The following GALNT7 variants were observed in gnomAD, a reference collection of about 807,000 sequenced individuals.
GALNT7 encodes the protein N-acetylgalactosaminyltransferase 7.
Under a neutral mutation model 82.1 loss-of-function variants are expected in GALNT7, and 60 were observed. The ratio of observed to expected loss-of-function variants is 0.73; its 90% CI spans 0.59 to 0.91. GALNT7 has a LOEUF of 0.91. GALNT7 is among the 40% of genes least tolerant of loss of function. The probability of loss-of-function intolerance (pLI) is 0.00; values close to 1 mark genes in which losing one functional copy is unlikely to be tolerated. For synonymous variants in GALNT7, 243 were observed against 275.1 expected, an observed-to-expected ratio of 0.88 and a Z score of 1.15; for missense variants, 660 against 804.2, an observed-to-expected ratio of 0.82 and a Z score of 2.17.
chr4:173,305,778 T>C (rs561124796), intron 8 of GALNT7, among the ~76,000 whole-genome samples: 86 of 152,332 alleles, frequency 5.6e-4, no homozygotes, highest in African/African-American at 1.9e-3. Context: ...GTGAGTACCA[T>C]ACTGTTTTGA....
rs539494866 is a variant in GALNT7, at chr4:173,273,793, G to A, written c.588-18315G>A. Among the ~76,000 whole-genome samples the A allele has an allele frequency of 6.3e-4, 95 of 151,494 alleles. No individual in the cohort carries two copies. In the South Asian group the frequency reaches 0.02, roughly 32 times the overall value. On this transcript the variant is annotated intron_variant, in intron 2 of 11. Transcript: ENST00000265000. Reference sequence around the variant, plus strand: ...TTCCCTCCTTCTATTTTTAACTTTTGTAATACTGTTTTATTCTGTGTGTCT... The same window carrying A: ...TTCCCTCCTTCTATTTTTAACTTTTATAATACTGTTTTATTCTGTGTGTCT...
At chr4:173,172,435 C>G (rs1731907498) in intron 1 of GALNT7, among the ~76,000 whole-genome samples, 1 of 152,198 alleles carries the variant, frequency 6.6e-6, no homozygotes, top group Non-Finnish European at 1.5e-5. Context: ...CCCACTTGCC[C>G]AACTCCTGAG....
At chr4:173,226,417 A>G (rs1188866089) in intron 1 of GALNT7, among the ~76,000 whole-genome samples, 3 of 152,132 alleles carry the variant, frequency 2.0e-5, no homozygotes, top group East Asian at 3.9e-4. Flanking sequence ...TAGCATCTCC[A>G]GTCCTCAACA....
At chr4:173,186,758 G>C (rs1445093963) in intron 1 of GALNT7, among the ~76,000 whole-genome samples, 2 of 151,942 alleles carry the variant, frequency 1.3e-5, no homozygotes, top group African/African-American at 2.4e-5. Flanking sequence ...TGGGGAAAGA[G>C]GAAAATATTA....
chr4:173,303,972 T>A, intron 7 of GALNT7, 24 bp from the exon 8 acceptor site: 1 of 1,587,850 alleles, frequency 6.3e-7, no homozygotes, highest in Non-Finnish European at 8.6e-7. Context: ...GAAACAACTT[T>A]CACAACGTGT....
intron 2 of GALNT7, among the ~76,000 whole-genome samples, chr4:173,278,921 T>C (rs907723606): frequency 6.6e-6 from 1 of 152,216 alleles, no homozygotes; most frequent in Non-Finnish European, 1.5e-5. Flanking sequence ...TTTTGCTATG[T>C]GTAATGCACT....
At chr4:173,275,672 A>G (rs1735881090) in intron 2 of GALNT7, among the ~76,000 whole-genome samples, 1 of 152,222 alleles carries the variant, frequency 6.6e-6, no homozygotes. Context: ...TGTTCTGCTA[A>G]CAATGGTCCA....
chr4:173,199,675 C>G (rs1732881626), intron 1 of GALNT7, among the ~76,000 whole-genome samples: 1 of 152,196 alleles, frequency 6.6e-6, no homozygotes, highest in Admixed American at 6.5e-5. Context: ...CATCTGTTTT[C>G]TACCCAATTT....
intron 1 of GALNT7, 31 bp downstream of exon 1, chr4:173,168,992 C>T: frequency 1.2e-6 from 2 of 1,605,474 alleles, no homozygotes; most frequent in South Asian, 1.1e-5. Flanking sequence ...CCTCCGGCGG[C>T]AGCGACCGGC....
At chr4:173,202,924 T>C (rs1383451164) in intron 1 of GALNT7, among the ~76,000 whole-genome samples, 2 of 152,230 alleles carry the variant, frequency 1.3e-5, no homozygotes, top group African/African-American at 4.8e-5. Flanking sequence ...TGACCTTCTT[T>C]ATCTCATTTT....
At chr4:173,215,316 C>T (rs1281589477) in intron 1 of GALNT7, among the ~76,000 whole-genome samples, 3 of 148,414 alleles carry the variant, frequency 2.0e-5, no homozygotes, top group South Asian at 4.4e-4. Context: ...CTGCAATATC[C>T]GTCTCCTGGA....
intron 1 of GALNT7, among the ~76,000 whole-genome samples, chr4:173,237,300 T>C (rs946269755): frequency 1.3e-5 from 2 of 152,226 alleles, no homozygotes; most frequent in African/African-American, 4.8e-5. Flanking sequence ...TGAGCTGTTA[T>C]GTAAGCCATG....
intron 1 of GALNT7, among the ~76,000 whole-genome samples, chr4:173,204,436 CTCT>C (rs1208810809): frequency 6.6e-6 from 1 of 152,166 alleles, no homozygotes; most frequent in Non-Finnish European, 1.5e-5. Flanking sequence ...GCCTTTGACT[CTCT>C]TCTTCAATTC....
In GALNT7 at chr4:173,302,202, G is replaced by T. The variant is rs533086279; in HGVS notation, c.1266+38G>T. ...TTCAACAGATGGAATTCTCCAAGTC[G>T]TTACTAACTTCTGTGGCTTTCAGAT... On this transcript the variant is annotated intron_variant, in intron 7 of 11. Coordinates refer to ENST00000265000, the MANE Select transcript of GALNT7 (RefSeq NM_017423.3). The surrounding 1 kb of genome is among the most constrained non-coding windows in gnomAD (Gnocchi z 4.2). 1.1e-6 allele frequency: 1 copy of T among 911,976 alleles called. No homozygotes were observed. Among genetic ancestry groups the T allele is most frequent in the South Asian group, 1.3e-5 (1 of 74,958 alleles). 56.5% of individuals were successfully genotyped at this position (911,976 alleles called of 1,614,324 possible).
rs188985185 is a variant in GALNT7 at position 173,257,058 on chromosome 4, C to T, written c.587+8618C>T. Among the ~76,000 whole-genome samples the T allele has an allele frequency of 1.3e-3, 200 of 152,320 alleles. 1 individual carries two copies. Among genetic ancestry groups the T allele is most frequent in the African/African-American group, 4.3e-3 (178 of 41,568 alleles). ...CAGATGACTTCACTCTTTACATTTACACATGTAGATCTTTACCTCTGGAAT... is the reference window on the plus strand; with the variant it reads ...CAGATGACTTCACTCTTTACATTTATACATGTAGATCTTTACCTCTGGAAT... On this transcript the variant is annotated intron_variant, in intron 2 of 11. Coordinates refer to ENST00000265000, the MANE Select transcript of GALNT7 (RefSeq NM_017423.3).
chr4:173,228,541 C>G (rs1733915084), intron 1 of GALNT7, among the ~76,000 whole-genome samples: 1 of 151,962 alleles, frequency 6.6e-6, no homozygotes, highest in African/African-American at 2.4e-5. Flanking sequence ...GGCTAGTATA[C>G]AGGCTGCAGT....
At chr4:173,288,761 T>C (rs1055953810) in intron 2 of GALNT7, among the ~76,000 whole-genome samples, 1 of 152,120 alleles carries the variant, frequency 6.6e-6, no homozygotes, top group Admixed American at 6.5e-5. Flanking sequence ...CATCAGTGTC[T>C]ATCATTGAGG....
intron 1 of GALNT7, among the ~76,000 whole-genome samples, chr4:173,170,107 G>A (rs1731807328): frequency 6.6e-6 from 1 of 152,132 alleles, no homozygotes. Context: ...GCGCGCACCG[G>A]CCTCGCCCCC....
chr4:173,309,577 T>C (rs1737299779), intron 8 of GALNT7, among the ~76,000 whole-genome samples: 1 of 152,218 alleles, frequency 6.6e-6, no homozygotes, highest in Non-Finnish European at 1.5e-5. Flanking sequence ...CTTTGAGGTT[T>C]ATTTGGTTGG....
Sources: gnomAD v4.1 joint callset for allele counts (sites outside exome capture counted in the v4.1 genomes callset) on GRCh38, gnomAD v4.1.1 for gene constraint, Gnocchi (gnomAD v3.1) non-coding constraint, MANE v1.5 for transcripts, NCBI Gene and HGNC (gene_info 2026-07-23, HGNC 2026-07-21) for gene names.